The following ZFAT variants were observed in gnomAD, a reference collection of about 807,000 sequenced individuals.
The protein encoded by ZFAT is zinc finger and AT-hook domain containing.
ZFAT carries 64 observed loss-of-function variants against 117.7 expected under a neutral mutation model. That is an observed-to-expected ratio of 0.54 (90% CI 0.44 to 0.67). ZFAT has a LOEUF of 0.67. ZFAT is among the 30% of genes least tolerant of loss of function. The probability of loss-of-function intolerance (pLI) is 0.00; values close to 1 mark genes in which losing one functional copy is unlikely to be tolerated. For missense variants in ZFAT, 1,433 were observed against 1,584.5 expected, an observed-to-expected ratio of 0.90 and a Z score of 1.62; for synonymous variants, 679 against 615.0, an observed-to-expected ratio of 1.10 and a Z score of -1.54.
intron 3 of ZFAT, among the ~76,000 whole-genome samples, chr8:134,618,618 A>C (rs1172381430): frequency 6.6e-6 from 1 of 152,184 alleles, no homozygotes; most frequent in Non-Finnish European, 1.5e-5. Flanking sequence ...TCTCCAATAC[A>C]AAGTTTAACA....
chr8:134,704,335 G>A (rs937861783), intron 1 of ZFAT, among the ~76,000 whole-genome samples: 9 of 152,158 alleles, frequency 5.9e-5, no homozygotes, highest in Non-Finnish European at 1.2e-4. Context: ...AGGGCTGCAC[G>A]TAGGAAACCT....
At chr8:134,641,064 G>A (rs1830553242) in intron 2 of ZFAT, among the ~76,000 whole-genome samples, 1 of 151,652 alleles carries the variant, frequency 6.6e-6, no homozygotes, top group Non-Finnish European at 1.5e-5. Flanking sequence ...GCCTGCACAC[G>A]GTGTCCAGAT....
chr8:134,708,249 T>C (rs767030057), intron 1 of ZFAT, among the ~76,000 whole-genome samples: 2 of 152,212 alleles, frequency 1.3e-5, no homozygotes, highest in Non-Finnish European at 2.9e-5. Context: ...ATCGTTTTTT[T>C]CTTTGAGACA....
chr8:134,515,835 G>A (rs1820214492), intron 13 of ZFAT, among the ~76,000 whole-genome samples: 1 of 152,084 alleles, frequency 6.6e-6, no homozygotes, highest in Non-Finnish European at 1.5e-5. Flanking sequence ...AGCAAATCCT[G>A]AAATCATTAT....
chr8:134,607,492 A>G (rs1423064339), intron 5 of ZFAT, among the ~76,000 whole-genome samples: 1 of 152,242 alleles, frequency 6.6e-6, no homozygotes, highest in Admixed American at 6.5e-5. Context: ...GTTAGATGCA[A>G]AGTAACGTGT....
chr8:134,744,039 G>A, the ZFAT span, among the ~76,000 whole-genome samples: 1 of 152,180 alleles, frequency 6.6e-6, no homozygotes, highest in Non-Finnish European at 1.5e-5. Context: ...GTGACTGCAA[G>A]CTACACAAAT....
At chr8:134,595,995 C>T (rs796560850) in intron 7 of ZFAT, among the ~76,000 whole-genome samples, 9 of 152,318 alleles carry the variant, frequency 5.9e-5, no homozygotes, top group African/African-American at 2.2e-4. Flanking sequence ...GAAACTAATG[C>T]AGAAGGCCAG....
At chr8:134,697,863 G>A (rs1237693304) in intron 1 of ZFAT, among the ~76,000 whole-genome samples, 1 of 150,528 alleles carries the variant, frequency 6.6e-6, no homozygotes, top group Non-Finnish European at 1.5e-5. Flanking sequence ...TTACAGGCGT[G>A]AGCCACCGCA....
At position 134,646,266 on chromosome 8, in the gene ZFAT, A is replaced by C. The variant is rs560502348; in HGVS notation, c.197-8554T>G. On this transcript the variant is annotated intron_variant, in intron 2 of 15. Coordinates refer to ENST00000377838, the MANE Select transcript of ZFAT (RefSeq NM_020863.4). Reference sequence around the variant, plus strand: ...TGGAATTAAATTAGAAATAAAAAGGAAGAAATTTGGGAAATTCAAAAATTT... The same window carrying C: ...TGGAATTAAATTAGAAATAAAAAGGCAGAAATTTGGGAAATTCAAAAATTT... Among the ~76,000 whole-genome samples the C allele has an allele frequency of 5.3e-5, 8 of 152,304 alleles. No homozygotes were observed. In the South Asian group the frequency reaches 1.7e-3, roughly 32 times the overall value.
chr8:134,562,691 C>T (rs1190630564), intron 11 of ZFAT, among the ~76,000 whole-genome samples: 1 of 152,184 alleles, frequency 6.6e-6, no homozygotes, highest in Non-Finnish European at 1.5e-5. Flanking sequence ...CCAGGTCCAG[C>T]TCAGTGCAGC....
At chr8:134,521,615 T>C (rs1646234443) in intron 12 of ZFAT, among the ~76,000 whole-genome samples, 1 of 151,990 alleles carries the variant, frequency 6.6e-6, no homozygotes, top group Non-Finnish European at 1.5e-5. Context: ...ATTAAGAGAA[T>C]GTACAACTCT....
At chr8:134,693,201 T>C (rs1188350112) in intron 1 of ZFAT, among the ~76,000 whole-genome samples, 1 of 152,192 alleles carries the variant, frequency 6.6e-6, no homozygotes, top group Non-Finnish European at 1.5e-5. Context: ...AAACCAGGTC[T>C]CCTTGTAGAA....
intron 11 of ZFAT, among the ~76,000 whole-genome samples, chr8:134,539,825 A>G (rs919943960): frequency 6.6e-6 from 1 of 152,216 alleles, no homozygotes; most frequent in Non-Finnish European, 1.5e-5. Flanking sequence ...AGGGTAGAAG[A>G]GCGGAGTGTG....
chr8:134,681,451 T>C (rs1372891169), intron 1 of ZFAT, among the ~76,000 whole-genome samples: 1 of 152,230 alleles, frequency 6.6e-6, no homozygotes, highest in Non-Finnish European at 1.5e-5. Context: ...ATGATGCTGC[T>C]GACACAGTAG....
intron 1 of ZFAT, among the ~76,000 whole-genome samples, chr8:134,703,886 A>G (rs66876375): frequency 0.11 from 16,126 of 152,278 alleles, 1,073 homozygotes; most frequent in Non-Finnish European, 0.16. Context: ...TGGAAGGGGA[A>G]GAGAGGAGAG....
chr8:134,820,105 T>A, the ZFAT span, among the ~76,000 whole-genome samples: 13 of 152,224 alleles, frequency 8.5e-5, no homozygotes, highest in African/African-American at 3.1e-4. Flanking sequence ...AGGAAGCTTA[T>A]AATCACAATT....
intron 11 of ZFAT, among the ~76,000 whole-genome samples, chr8:134,552,785 A>G (rs1269105956): frequency 6.6e-6 from 1 of 152,242 alleles, no homozygotes; most frequent in Non-Finnish European, 1.5e-5. Context: ...AGTAAGAAGG[A>G]AGGGTCAGCA....
intron 11 of ZFAT, among the ~76,000 whole-genome samples, chr8:134,547,102 T>C (rs979153533): frequency 6.6e-6 from 1 of 152,206 alleles, no homozygotes; most frequent in Non-Finnish European, 1.5e-5. Flanking sequence ...ATTCTCATCT[T>C]GCAGACAAGG....
chr8:134,757,783 C>T, the ZFAT span, among the ~76,000 whole-genome samples: 1 of 152,142 alleles, frequency 6.6e-6, no homozygotes, highest in Non-Finnish European at 1.5e-5. Flanking sequence ...GCTGGAGCTG[C>T]CAGTGGCAGT....
Sources: allele counts gnomAD v4.1 joint callset (sites outside exome capture counted in the v4.1 genomes callset), GRCh38; gene constraint gnomAD v4.1.1; transcripts MANE v1.5; gene names NCBI Gene and HGNC (gene_info 2026-07-23, HGNC 2026-07-21).